CELF6: variants seen among roughly 807,000 people sequenced by gnomAD.
The protein encoded by CELF6 is CUGBP Elav-like family member 6.
CELF6 carries 32 observed loss-of-function variants against 53.1 expected under a neutral mutation model. That is an observed-to-expected ratio of 0.60 (90% CI 0.46 to 0.81). The LOEUF (loss-of-function observed/expected upper bound fraction) is 0.81, where lower values mean the gene tolerates loss of function less well. CELF6 is among the 30% of genes least tolerant of loss of function. The pLI, the probability that CELF6 is intolerant of heterozygous loss-of-function variation, is 0.00. For synonymous variants in CELF6, 291 were observed against 288.8 expected (o/e 1.01, Z -0.08); for missense variants, 539 against 669.5 (o/e 0.81, Z 2.15).
At chr15:72,315,346 C>G (rs1247758261) in intron 2 of CELF6, among the ~76,000 whole-genome samples, 1 of 152,314 alleles carries the variant, frequency 6.6e-6, no homozygotes, top group East Asian at 1.9e-4. Context: ...AGAATCAGGT[C>G]TCCCCTAACT....
chr15:72,301,497 G>A (rs901325824), intron 3 of CELF6, among the ~76,000 whole-genome samples: 40 of 152,056 alleles, frequency 2.6e-4, no homozygotes, highest in Non-Finnish European at 3.1e-4. Flanking sequence ...ACTCTTATCG[G>A]ATAAAGAAAC....
chr15:72,304,382 GAGA>G (rs892720308), intron 3 of CELF6, among the ~76,000 whole-genome samples: 7 of 152,176 alleles, frequency 4.6e-5, no homozygotes, highest in African/African-American at 1.4e-4. Context: ...GAAGGATATG[GAGA>G]AGGAGAATAA....
In CELF6 at chr15:72,289,079, C is replaced by T. The variant is rs2087962777; in HGVS notation, c.1030+59G>A. 7 of 1,390,606 alleles carry T rather than the reference C, an allele frequency of 5.0e-6. No individual in the cohort carries two copies. The East Asian group carries it at 1.4e-4, about 29-fold the overall frequency. 86.1% of individuals were successfully genotyped at this position (1,390,606 alleles called of 1,614,324 possible). A position where few individuals can be genotyped will look rare whatever the true frequency, so the allele number is the denominator to read the frequency against. On this transcript the variant is annotated intron_variant, in intron 8 of 12. Transcript: ENST00000287202. The surrounding 1 kb of genome is among the most constrained non-coding windows in gnomAD (Gnocchi z 7.6). ...CTTCCCAGGGAAGCCAGGCCCTAACCCCCCACCCCCCGCTCCCCACTCCAT... is the reference window on the plus strand; with the variant it reads ...CTTCCCAGGGAAGCCAGGCCCTAACTCCCCACCCCCCGCTCCCCACTCCAT...
At chr15:72,308,544 T>C (rs2088259028) in intron 2 of CELF6, among the ~76,000 whole-genome samples, 1 of 152,134 alleles carries the variant, frequency 6.6e-6, no homozygotes, top group South Asian at 2.1e-4. Context: ...GTTGTTGTTA[T>C]TGTTGTTAAG....
chr15:72,298,612 G>A (rs2088108924), intron 3 of CELF6, among the ~76,000 whole-genome samples: 1 of 152,196 alleles, frequency 6.6e-6, no homozygotes, highest in Admixed American at 6.5e-5. Context: ...AACAAGCAGA[G>A]CAATCACCAT....
intron 3 of CELF6, among the ~76,000 whole-genome samples, chr15:72,296,478 A>G (rs942039704): frequency 1.2e-4 from 18 of 152,216 alleles, no homozygotes; most frequent in African/African-American, 4.1e-4. Context: ...CACAGAATGA[A>G]AAAGCAACCT....
chr15:72,317,689 C>T (rs2088379158), intron 1 of CELF6, among the ~76,000 whole-genome samples: 1 of 152,182 alleles, frequency 6.6e-6, no homozygotes. Context: ...GAAGGCAACA[C>T]TTGCCTTGGA....
At chr15:72,290,370 T>A in intron 3 of CELF6, 115 bp from the exon 4 acceptor site, 1 of 1,275,920 alleles carries the variant, frequency 7.8e-7, no homozygotes, top group Non-Finnish European at 1.1e-6. Flanking sequence ...GCAGAGGGAG[T>A]GAGAAGGCCC....
At position 72,319,796 on chromosome 15, in the gene CELF6, C is replaced by T. The variant is rs751564448; in HGVS notation, c.79G>A (p.Val27Ile). The change falls in exon 1 of 13, where the codon GTC becomes ATC. Residue 27 changes from valine to isoleucine, a missense_variant. By Grantham distance (29) the Val-to-Ile change is conservative (BLOSUM62 3). This residue lies in a region of CELF6 where 84 missense variants were observed against 87.9 expected (regional missense o/e 0.96). Transcript: ENST00000287202. This position sits in a 1 kb window ranked among gnomAD's most constrained non-coding sequence, Gnocchi z 5.0. ...RLGFSTADSG[V>I]GMSGLNPGPA... is the part of the protein sequence containing the mutation. Reference sequence around the variant, plus strand: ...CCGGGGTTTAGCCCGCTCATGCCGACGCCGCTGTCCGCGGTGCTGAAACCC... The same window carrying T: ...CCGGGGTTTAGCCCGCTCATGCCGATGCCGCTGTCCGCGGTGCTGAAACCC... 6.4e-7 allele frequency: 1 copy of T among 1,559,374 alleles called. No individual in the cohort carries two copies.
chr15:72,298,683 A>G (rs1424515357), intron 3 of CELF6, among the ~76,000 whole-genome samples: 1 of 152,258 alleles, frequency 6.6e-6, no homozygotes. Context: ...ATACAATTCA[A>G]TAATTTTTAA....
In CELF6 at chr15:72,319,573, T is replaced by C. The variant is rs1181175453; in HGVS notation, c.262+40A>G. On this transcript the variant is annotated intron_variant, in intron 1 of 12. Transcript: ENST00000287202. The surrounding 1 kb of genome is among the most constrained non-coding windows in gnomAD (Gnocchi z 5.0). ...GGGCTGGGGTCGGGCCACACTCTAA[T>C]CGGATTGGGGCTGGGCTGGGCTGGG... 1 of 1,491,308 alleles carries C rather than the reference T, an allele frequency of 6.7e-7. No individual in the cohort carries two copies. The highest frequency in any genetic ancestry group is 9.0e-7 in the Non-Finnish European group (1 of 1,113,746). The allele number at this position is 1,491,308 out of a possible 1,614,324, so 92.4% of individuals were successfully genotyped here.
rs771288542 is a variant in CELF6, at chr15:72,315,931, A to G, written c.263-4T>C. 6.2e-7 allele frequency: 1 copy of G among 1,601,076 alleles called. No individual in the cohort carries two copies. The stretch of plus-strand genomic sequence containing the variant: ...CAGTAGGTGAGGAAGGCACAGCCTG[A>G]GGAGGAAGAGGCTGGCTCAGGGGGT... On this transcript the variant is annotated splice_region_variant and splice_polypyrimidine_tract_variant and intron_variant, in intron 1 of 12. Coordinates refer to ENST00000287202, the MANE Select transcript of CELF6 (RefSeq NM_052840.5).
chr15:72,303,337 G>T (rs2088181887), intron 3 of CELF6, among the ~76,000 whole-genome samples: 1 of 152,220 alleles, frequency 6.6e-6, no homozygotes, highest in African/African-American at 2.4e-5. Flanking sequence ...GGATGGAGGA[G>T]GAAACTTGGA....
intron 2 of CELF6, among the ~76,000 whole-genome samples, chr15:72,309,719 G>A (rs953468011): frequency 6.6e-6 from 1 of 152,208 alleles, no homozygotes; most frequent in Non-Finnish European, 1.5e-5. Context: ...TTCCTGCCAT[G>A]GGCAGAGGAG....
chr15:72,292,382 G>T, intron 3 of CELF6: 1 of 700,758 alleles, frequency 1.4e-6, no homozygotes, highest in Non-Finnish European at 2.3e-6. Flanking sequence ...CCATGCCATT[G>T]TTCTAAGTTA....
intron 2 of CELF6, 142 bp downstream of exon 2, chr15:72,315,703 G>A (rs1010018069): frequency 5.6e-6 from 3 of 534,104 alleles, no homozygotes; most frequent in Non-Finnish European, 6.6e-6. Flanking sequence ...TGCTGTTCAG[G>A]GTACAGGAAG....
In CELF6 at chr15:72,288,198, T is replaced by C; in HGVS notation, c.1318+110A>G. On this transcript the variant is annotated intron_variant, in intron 11 of 12. Transcript: ENST00000287202. The surrounding 1 kb of genome is among the most constrained non-coding windows in gnomAD (Gnocchi z 4.6). The stretch of plus-strand genomic sequence containing the variant: ...TGGTTTGTGACCCTGTTTTGTGCCA[T>C]ACATTCAATCTCAGGAAATCACTGC... 8.2e-7 allele frequency: 1 copy of C among 1,216,246 alleles called. No homozygotes were observed. Among genetic ancestry groups the C allele is most frequent in the Admixed American group, 1.7e-5 (1 of 57,512 alleles). 75.3% of individuals were successfully genotyped at this position (1,216,246 alleles called of 1,614,324 possible).
At chr15:72,290,406 G>T in intron 3 of CELF6, 151 bp from the exon 4 acceptor site, 1 of 886,194 alleles carries the variant, frequency 1.1e-6, no homozygotes, top group Non-Finnish European at 1.7e-6. Context: ...GGTTTTCATT[G>T]AGGGGCAGGA....
intron 3 of CELF6, among the ~76,000 whole-genome samples, chr15:72,295,315 G>C (rs2088063681): frequency 2.0e-5 from 3 of 152,144 alleles, no homozygotes; most frequent in Admixed American, 2.0e-4. Flanking sequence ...CAGCCTGGGT[G>C]ACAGAGTAAG....
Sources: allele counts gnomAD v4.1 joint callset (sites outside exome capture counted in the v4.1 genomes callset), GRCh38; gene constraint gnomAD v4.1.1; regional missense constraint gnomAD v4.1.1; non-coding constraint Gnocchi (gnomAD v3.1); transcripts MANE v1.5; gene names NCBI Gene and HGNC (gene_info 2026-07-23, HGNC 2026-07-21).